The following PCDHA7 variants were observed in gnomAD, a reference collection of about 807,000 sequenced individuals.
PCDHA7 encodes protocadherin alpha-7.
Under a neutral mutation model 57.2 loss-of-function variants are expected in PCDHA7, and 37 were observed. The observed-to-expected ratio is 0.65, with a 90% confidence interval of 0.50 to 0.85. The LOEUF is 0.85. PCDHA7 is among the 40% of genes least tolerant of loss of function. The pLI is 0.00. For missense variants in PCDHA7, 1,188 were observed against 1,241.8 expected (o/e 0.96, Z 0.65); for synonymous variants, 553 against 558.8 (o/e 0.99, Z 0.15).
chr5:140,875,586 G>T, intron 1 of PCDHA7: 1 of 1,614,024 alleles, frequency 6.2e-7, no homozygotes, highest in South Asian at 1.1e-5. Flanking sequence ...TCTACGAGGA[G>T]GCCAAACACG....
At chr5:140,884,547 C>T (rs1554181712) in intron 1 of PCDHA7, 5 of 1,614,214 alleles carry the variant, frequency 3.1e-6, no homozygotes, top group Admixed American at 1.7e-5. Context: ...AGGGTGTGCT[C>T]TGGGGAGGGC....
rs764735564 is a variant in PCDHA7, at chr5:140,871,304, G to A, written c.2355+34566G>A. On this transcript the variant is annotated intron_variant, in intron 1 of 3. Transcript: ENST00000525929. ...CCCACTGAGGGCGCGTGCGCGCCGG[G>A]GAAGCCCACGCTGGTGTGCTCCCGC... 4.3e-6 allele frequency: 7 copies of A among 1,613,850 alleles called. No individual in the cohort carries two copies. In the East Asian group the frequency reaches 1.3e-4, roughly 31 times the overall value.
At chr5:140,864,296 A>T (rs1232211439) in intron 1 of PCDHA7, 1 of 152,194 alleles carries the variant, frequency 6.6e-6, no homozygotes, top group African/African-American at 2.4e-5. Context: ...TATGTATTCA[A>T]AAATACCATG....
At chr5:140,915,686 A>G (rs1440972076) in intron 1 of PCDHA7, among the ~76,000 whole-genome samples, 2 of 150,988 alleles carry the variant, frequency 1.3e-5, no homozygotes, top group African/African-American at 2.4e-5. Flanking sequence ...AACTAGGGGT[A>G]TGGTGATGCA....
chr5:140,842,539 G>C lies in PCDHA7; in HGVS notation c.2355+5801G>C, dbSNP rs182995378. Reference sequence around the variant, plus strand: ...TGTCCACCTTCAAGAATTACTACTCGTTGGTGCTGGACAGCGCCCTGGACC... The same window carrying C: ...TGTCCACCTTCAAGAATTACTACTCCTTGGTGCTGGACAGCGCCCTGGACC... On this transcript the variant is annotated intron_variant, in intron 1 of 3. Coordinates refer to ENST00000525929, the MANE Select transcript of PCDHA7 (RefSeq NM_018910.3). 2.7e-5 allele frequency: 43 copies of C among 1,610,552 alleles called. 1 individual carries two copies. In the East Asian group the frequency reaches 8.7e-4, roughly 33 times the overall value.
intron 1 of PCDHA7, chr5:140,870,035 A>G (rs1490530166): frequency 1.2e-6 from 2 of 1,613,656 alleles, no homozygotes; most frequent in African/African-American, 2.7e-5. Context: ...GATTATGAAG[A>G]AAACAAGTTT....
chr5:140,884,467 G>A (rs199814121), intron 1 of PCDHA7: 6 of 1,613,778 alleles, frequency 3.7e-6, no homozygotes, highest in Non-Finnish European at 5.1e-6. Context: ...GCGCGTGCGC[G>A]CCGGGCAAGC....
At chr5:140,981,041 A>C (rs72802989) in intron 2 of PCDHA7, among the ~76,000 whole-genome samples, 7,382 of 152,278 alleles carry the variant, frequency 0.048, 205 homozygotes, top group Non-Finnish European at 0.065. Context: ...GGGAAAAAAA[A>C]CAGATAATTC....
At chr5:140,983,293 A>C (rs2097040232) in intron 3 of PCDHA7, among the ~76,000 whole-genome samples, 1 of 152,240 alleles carries the variant, frequency 6.6e-6, no homozygotes, top group African/African-American at 2.4e-5. Context: ...AAAATTGCTT[A>C]AACTCACATT....
Position 140,836,106 on chromosome 5 carries a change from G to A in PCDHA7, c.1723G>A (p.Gly575Ser). Reference sequence around the variant, plus strand: ...GGCGCCTCGGGTGGGTGGCACTGGTGGCGCAGTGAGAGAGCTTGTGCCGCG... The same window carrying A: ...GGCGCCTCGGGTGGGTGGCACTGGTAGCGCAGTGAGAGAGCTTGTGCCGCG... ...LLAPRVGGTG[G>S]AVRELVPRSV... The change falls in exon 1 of 4, where the codon GGC (glycine) becomes AGC (serine). Residue 575 changes from glycine (G) to serine (S), a missense_variant. By Grantham distance (56) the Gly-to-Ser change is moderately conservative. This residue lies in a region of PCDHA7 where 892 missense variants were observed against 788.5 expected (regional missense o/e 1.13). Coordinates refer to ENST00000525929, the MANE Select transcript of PCDHA7 (RefSeq NM_018910.3). The A allele has an allele frequency of 6.2e-7, 1 of 1,613,738 alleles. No individual in the cohort carries two copies. The highest frequency in any genetic ancestry group is 8.5e-7 in the Non-Finnish European group (1 of 1,179,782).
intron 1 of PCDHA7, chr5:140,927,197 A>G: frequency 6.2e-7 from 1 of 1,614,150 alleles, no homozygotes; most frequent in African/African-American, 1.3e-5. Flanking sequence ...CTGGTGCTCG[A>G]GGACCCGCTG....
chr5:140,870,521 T>A (rs782364094), intron 1 of PCDHA7: 2 of 1,614,078 alleles, frequency 1.2e-6, no homozygotes, highest in Non-Finnish European at 8.5e-7. Flanking sequence ...GGCTGCCACA[T>A]CTTCACAGTG....
chr5:140,954,225 A>C (rs1554221300), intron 1 of PCDHA7, among the ~76,000 whole-genome samples: 2 of 152,242 alleles, frequency 1.3e-5, no homozygotes, highest in African/African-American at 4.8e-5. Context: ...TGCTATTGTG[A>C]ATAGTGCTGC....
intron 1 of PCDHA7, chr5:140,877,218 G>T: frequency 1.2e-6 from 2 of 1,613,726 alleles, no homozygotes; most frequent in South Asian, 1.1e-5. Context: ...AGTTGGTACC[G>T]CGGTCGGTGG....
At chr5:140,847,798 C>G (rs1359098048) in intron 1 of PCDHA7, 1 of 149,600 alleles carries the variant, frequency 6.7e-6, no homozygotes, top group Non-Finnish European at 1.5e-5. Context: ...TATTTTATAC[C>G]TTTTCAATTC....
chr5:140,903,721 C>T (rs2070530222), intron 1 of PCDHA7, among the ~76,000 whole-genome samples: 1 of 152,152 alleles, frequency 6.6e-6, no homozygotes, highest in African/African-American at 2.4e-5. Flanking sequence ...ACAATTCTCC[C>T]TATTATCAAT....
At chr5:140,845,025 G>A (rs1779666608) in intron 1 of PCDHA7, among the ~76,000 whole-genome samples, 1 of 149,154 alleles carries the variant, frequency 6.7e-6, no homozygotes, top group African/African-American at 2.5e-5. Flanking sequence ...TCATTTATGG[G>A]CATATTTTAG....
chr5:140,857,971 G>C (rs1554150955), intron 1 of PCDHA7: 3 of 1,596,810 alleles, frequency 1.9e-6, no homozygotes, highest in Non-Finnish European at 2.6e-6. Flanking sequence ...AGACTGACTC[G>C]CCACGCCAGC....
intron 1 of PCDHA7, chr5:140,868,931 G>C: frequency 9.2e-7 from 1 of 1,092,440 alleles, no homozygotes; most frequent in Non-Finnish European, 1.3e-6. Context: ...TCATTTAAAG[G>C]TTGGTCTGAA....
Sources: allele counts gnomAD v4.1 joint callset (sites outside exome capture counted in the v4.1 genomes callset), GRCh38; gene constraint gnomAD v4.1.1; regional missense constraint gnomAD v4.1.1; transcripts MANE v1.5; gene names NCBI Gene and HGNC (gene_info 2026-07-23, HGNC 2026-07-21).